Variants in PTPRN2 observed in about 807,000 individuals in gnomAD.
PTPRN2 encodes protein tyrosine phosphatase receptor type N2, also known as receptor-type tyrosine-protein phosphatase N2.
A neutral mutation model predicts 118.8 loss-of-function variants in PTPRN2; 74 were observed. That is an observed-to-expected ratio of 0.62 (90% CI 0.52 to 0.76). PTPRN2 has a LOEUF of 0.76. Among genes scored for constraint, PTPRN2 ranks in the 30% least tolerant of loss-of-function variants. The pLI is 0.00. For missense variants in PTPRN2, 1,481 were observed against 1,394.4 expected (o/e 1.06, Z -0.99); for synonymous variants, 641 against 608.0 (o/e 1.05, Z -0.80).
intron 3 of PTPRN2, among the ~76,000 whole-genome samples, chr7:158,210,199 G>A (rs996024354): frequency 8.9e-5 from 13 of 145,690 alleles, no homozygotes; most frequent in South Asian, 2.2e-4. Flanking sequence ...GCAGTGGCGC[G>A]ATCTCGGCTC....
chr7:157,872,867 C>T (rs1462342548), intron 12 of PTPRN2, among the ~76,000 whole-genome samples: 2 of 152,216 alleles, frequency 1.3e-5, no homozygotes, highest in African/African-American at 4.8e-5. Flanking sequence ...TCTGCTGCTG[C>T]CTCTCCACAG....
intron 3 of PTPRN2, among the ~76,000 whole-genome samples, chr7:158,280,102 A>G (rs1410266117): frequency 1.3e-5 from 2 of 152,106 alleles, no homozygotes; most frequent in African/African-American, 4.8e-5. Flanking sequence ...AGCAGTTTAA[A>G]CTCGTCTAAT....
At chr7:157,595,136 G>T (rs946507353) in intron 17 of PTPRN2, 102 bp downstream of exon 17, 6 of 1,039,286 alleles carry the variant, frequency 5.8e-6, no homozygotes, top group Non-Finnish European at 8.9e-6. Flanking sequence ...ATGAGCATTT[G>T]TAAGAAGTTT....
chr7:158,267,328 G>A (rs77722206), intron 3 of PTPRN2, among the ~76,000 whole-genome samples: 1,778 of 152,258 alleles, frequency 0.012, 42 homozygotes, highest in African/African-American at 0.04. Flanking sequence ...CCCCGGGGGC[G>A]TGGTGCTCAC....
chr7:157,619,743 A>G lies in PTPRN2; in HGVS notation c.2344+1619T>C, dbSNP rs1004263770. On this transcript the variant is annotated intron_variant, in intron 15 of 22. Coordinates refer to ENST00000389418, the MANE Select transcript of PTPRN2 (RefSeq NM_002847.5). The surrounding 1 kb of genome is among the most constrained non-coding windows in gnomAD (Gnocchi z 5.3). ...CCAGGTTAGTTTCTGAAGCAAAACA[A>G]GATTCCAGCTTCTCACTGTTCTGAC... is the stretch of plus-strand genomic sequence containing the variant. 6.6e-6 allele frequency among the ~76,000 whole-genome samples: 1 copy of G among 152,224 alleles called. No individual in the cohort carries two copies. The highest frequency in any genetic ancestry group is 1.5e-5 in the Non-Finnish European group (1 of 68,026).
At chr7:157,797,482 AGG>A (rs1438576304) in intron 12 of PTPRN2, among the ~76,000 whole-genome samples, 1 of 138,188 alleles carries the variant, frequency 7.2e-6, no homozygotes, top group African/African-American at 3.5e-5. Flanking sequence ...AGGTCGTGGG[AGG>A]CATCCCGTGA....
At chr7:158,043,764 C>T (rs1298023896) in intron 11 of PTPRN2, among the ~76,000 whole-genome samples, 1 of 152,214 alleles carries the variant, frequency 6.6e-6, no homozygotes, top group Non-Finnish European at 1.5e-5. Context: ...CCTTCCTTCC[C>T]GGCACTGCAG....
intron 11 of PTPRN2, among the ~76,000 whole-genome samples, chr7:157,992,984 G>A (rs1272152488): frequency 6.6e-6 from 1 of 152,242 alleles, no homozygotes. Flanking sequence ...GCCTGAGCCT[G>A]GAGCCCCCGT....
At chr7:157,897,531 G>A in intron 12 of PTPRN2, among the ~76,000 whole-genome samples, 1 of 152,210 alleles carries the variant, frequency 6.6e-6, no homozygotes, top group Non-Finnish European at 1.5e-5. Context: ...ACCAAGAACA[G>A]GAGCACCTGT....
At position 157,615,651 on chromosome 7, in the gene PTPRN2, T is replaced by A. The variant is rs562324262; in HGVS notation, c.2344+5711A>T. ...GTCCTGCGGAATGTGTTTTTATCAA[T>A]GACTTGACGACGTGAAAAACATGTT... On this transcript the variant is annotated intron_variant, in intron 15 of 22. Transcript: ENST00000389418. The surrounding 1 kb of genome is among the most constrained non-coding windows in gnomAD (Gnocchi z 4.3). The A allele has an allele frequency of 2.2e-6, 1 of 464,860 alleles. No individual in the cohort carries two copies. The highest frequency in any genetic ancestry group is 7.1e-5 in the East Asian group (1 of 14,168). The allele number at this position is 464,860 out of a possible 1,614,324, so 28.8% of individuals were successfully genotyped here.
At chr7:158,363,646 G>C (rs1245046393) in intron 2 of PTPRN2, among the ~76,000 whole-genome samples, 1 of 152,216 alleles carries the variant, frequency 6.6e-6, no homozygotes, top group Non-Finnish European at 1.5e-5. Flanking sequence ...GAGACAGGCA[G>C]GGTGCCAGAA....
At chr7:158,458,304 T>A (rs564128810) in intron 2 of PTPRN2, among the ~76,000 whole-genome samples, 1 of 152,176 alleles carries the variant, frequency 6.6e-6, no homozygotes, top group Admixed American at 6.5e-5. Context: ...TGATCTGCAG[T>A]CCATCGGGAT....
At chr7:158,500,142 G>C (rs550365777) in intron 1 of PTPRN2, among the ~76,000 whole-genome samples, 1 of 151,516 alleles carries the variant, frequency 6.6e-6, no homozygotes, top group East Asian at 1.9e-4. Context: ...AACACCACTC[G>C]CATTGTGGGT....
rs1409043730 is a variant in PTPRN2, at chr7:157,656,828, CAT to C, written c.2002-279_2002-278del. Among the ~76,000 whole-genome samples, 743 of 139,170 alleles carry C rather than the reference CAT, an allele frequency of 5.3e-3. 47 individuals are homozygous for C. Among genetic ancestry groups the C allele is most frequent in the African/African-American group, 0.018 (699 of 37,990 alleles). 91.3% of individuals were successfully genotyped at this position (139,170 alleles called of 152,430 possible). On this transcript the variant is annotated intron_variant, in intron 13 of 22. Transcript: ENST00000389418. The stretch of plus-strand genomic sequence containing the variant: ...GAATACAAACACACATACACACACA[CAT>C]ATACACACACACACCACACACACAC...
At chr7:158,447,461 AG>A (rs1042351882) in intron 2 of PTPRN2, among the ~76,000 whole-genome samples, 1 of 152,150 alleles carries the variant, frequency 6.6e-6, no homozygotes, top group African/African-American at 2.4e-5. Context: ...GACTCAGGCC[AG>A]GGCGGCACCA....
At chr7:158,265,457 G>T (rs562916887) in intron 3 of PTPRN2, among the ~76,000 whole-genome samples, 1 of 151,880 alleles carries the variant, frequency 6.6e-6, no homozygotes, top group Non-Finnish European at 1.5e-5. Context: ...GGTACACACC[G>T]ACGGGACACA....
rs530489400 is a variant in PTPRN2 at position 157,635,046 on chromosome 7, G to A, written c.2197-13537C>T. On this transcript the variant is annotated intron_variant, in intron 14 of 22. Coordinates refer to ENST00000389418, the MANE Select transcript of PTPRN2 (RefSeq NM_002847.5). Reference sequence around the variant, plus strand: ...GGCACACTGGTCCATCTCCCTGGACGTCCTTTCTCCTGTCCACAGCGACAC... The same window carrying A: ...GGCACACTGGTCCATCTCCCTGGACATCCTTTCTCCTGTCCACAGCGACAC... Among the ~76,000 whole-genome samples the A allele has an allele frequency of 7.2e-5, 11 of 152,312 alleles. No individual in the cohort carries two copies. In the South Asian group the frequency reaches 1.5e-3, roughly 20 times the overall value.
intron 10 of PTPRN2, among the ~76,000 whole-genome samples, chr7:158,085,357 ACACCCACGACGCCCATC>A (rs1199171617): frequency 9.0e-6 from 1 of 110,778 alleles, no homozygotes. Flanking sequence ...ACGCCCATCC[ACACCCACGACGCCCATC>A]CACACATGCC....
intron 12 of PTPRN2, among the ~76,000 whole-genome samples, chr7:157,755,766 A>C (rs897791274): frequency 6.6e-6 from 1 of 152,082 alleles, no homozygotes; most frequent in Non-Finnish European, 1.5e-5. Flanking sequence ...GTGAAAAAAA[A>C]CCACCCCTTG....
Sources: allele counts gnomAD v4.1 joint callset (sites outside exome capture counted in the v4.1 genomes callset), GRCh38; gene constraint gnomAD v4.1.1; non-coding constraint Gnocchi (gnomAD v3.1); transcripts MANE v1.5; gene names NCBI Gene and HGNC (gene_info 2026-07-23, HGNC 2026-07-21).